CFAP107: variants seen among roughly 807,000 people sequenced by gnomAD.
CFAP107 encodes the protein cilia and flagella associated protein 107.
At chr1:12,759,881 AG>A in the CFAP107 span, among the ~76,000 whole-genome samples, 2 of 152,144 alleles carry the variant, frequency 1.3e-5, no homozygotes, top group Non-Finnish European at 2.9e-5. Flanking sequence ...TTGACATTCC[AG>A]GGGGGAAACA....
chr1:12,750,791 A>G, the CFAP107 span, among the ~76,000 whole-genome samples: 1 of 152,188 alleles, frequency 6.6e-6, no homozygotes, highest in Non-Finnish European at 1.5e-5. Context: ...GAACAACCCT[A>G]TAGATCAATT....
At chr1:12,750,455 A>G in the CFAP107 span, among the ~76,000 whole-genome samples, 1 of 152,234 alleles carries the variant, frequency 6.6e-6, no homozygotes, top group African/African-American at 2.4e-5. Context: ...GATTTATAAA[A>G]CAGGATCCAA....
chr1:12,759,198 G>T, the CFAP107 span: 5 of 1,249,574 alleles, frequency 4.0e-6, no homozygotes, highest in South Asian at 6.9e-5. Context: ...ACGGATGCCC[G>T]CTCTCTCCAT....
At chr1:12,754,238 A>G in the CFAP107 span, among the ~76,000 whole-genome samples, 2 of 152,364 alleles carry the variant, frequency 1.3e-5, no homozygotes, top group Non-Finnish European at 2.9e-5. Flanking sequence ...TATTTCTCCA[A>G]AGAAGATGTA....
chr1:12,759,394 C>T, the CFAP107 span: 20 of 1,614,178 alleles, frequency 1.2e-5, no homozygotes, highest in East Asian at 2.7e-4. Flanking sequence ...CCATTACAAC[C>T]GGCATGGTTA....
chr1:12,752,555 TAAAAAAAA>T, the CFAP107 span, among the ~76,000 whole-genome samples: 1 of 46,666 alleles, frequency 2.1e-5, no homozygotes, highest in African/African-American at 8.3e-5. Context: ...CGACTCTGTC[TAAAAAAAA>T]AAAAAAAAAA....
At chr1:12,747,005 A>G in the CFAP107 span, among the ~76,000 whole-genome samples, 1 of 151,938 alleles carries the variant, frequency 6.6e-6, no homozygotes, top group African/African-American at 2.4e-5. Flanking sequence ...GCTGATGTCC[A>G]GGGATTTGCT....
At chr1:12,751,728 G>C in the CFAP107 span, among the ~76,000 whole-genome samples, 1 of 152,130 alleles carries the variant, frequency 6.6e-6, no homozygotes. Context: ...GAAAAAAAGA[G>C]AAGAGATGCA....
At chr1:12,747,071 CTT>C in the CFAP107 span, among the ~76,000 whole-genome samples, 6 of 142,948 alleles carry the variant, frequency 4.2e-5, no homozygotes, top group Non-Finnish European at 7.7e-5. Context: ...TCAATTTTTA[CTT>C]TTTTTTTTTT....
the CFAP107 span, among the ~76,000 whole-genome samples, chr1:12,751,215 T>C: frequency 6.6e-6 from 1 of 151,694 alleles, no homozygotes; most frequent in Admixed American, 6.6e-5. Flanking sequence ...CTTTACACTT[T>C]AAGAAAACAG....
chr1:12,758,572 C>A, the CFAP107 span, among the ~76,000 whole-genome samples: 1 of 152,172 alleles, frequency 6.6e-6, no homozygotes, highest in Non-Finnish European at 1.5e-5. Context: ...CAGACCATAG[C>A]AGACACAGGC....
At chr1:12,757,387 TTTC>T in the CFAP107 span, among the ~76,000 whole-genome samples, 1 of 126,180 alleles carries the variant, frequency 7.9e-6, no homozygotes, top group African/African-American at 3.4e-5. Flanking sequence ...CTTTTTTTCT[TTTC>T]TTTTTTTTTG....
chr1:12,760,208 G>T, the CFAP107 span, among the ~76,000 whole-genome samples: 2 of 152,158 alleles, frequency 1.3e-5, no homozygotes, highest in African/African-American at 2.4e-5. Flanking sequence ...TGAAGGGAAT[G>T]AAATTTGTCC....
chr1:12,760,025 A>G, the CFAP107 span, among the ~76,000 whole-genome samples: 1 of 152,224 alleles, frequency 6.6e-6, no homozygotes, highest in African/African-American at 2.4e-5. Context: ...TTGGTTCACA[A>G]ATTCCTCCTT....
At chr1:12,746,610 A>G in the CFAP107 span, 1 of 1,154,564 alleles carries the variant, frequency 8.7e-7, no homozygotes, top group Non-Finnish European at 1.3e-6. Context: ...AGTGAAGTTC[A>G]TCACTATTTT....
the CFAP107 span, chr1:12,755,685 T>C: frequency 3.9e-6 from 6 of 1,555,630 alleles, no homozygotes; most frequent in Non-Finnish European, 5.3e-6. Flanking sequence ...TTCCTGAATA[T>C]TTGGTCTTTT....
the CFAP107 span, among the ~76,000 whole-genome samples, chr1:12,757,372 T>G: frequency 6.9e-5 from 10 of 145,678 alleles, no homozygotes; most frequent in Non-Finnish European, 1.5e-4. Context: ...TTTTTCTTTT[T>G]TTTCCTTTTT....
the CFAP107 span, among the ~76,000 whole-genome samples, chr1:12,758,982 A>C: frequency 6.6e-6 from 1 of 152,162 alleles, no homozygotes; most frequent in Non-Finnish European, 1.5e-5. Flanking sequence ...TTCAGATCAC[A>C]AGTGAGGTGG....
the CFAP107 span, chr1:12,762,191 T>C: frequency 0.35 from 50,437 of 145,760 alleles, 8,582 homozygotes; most frequent in African/African-American, 0.55. Context: ...ACCTACTAAG[T>C]TCCTTCCTTA....
Sources: allele counts gnomAD v4.1 joint callset (sites outside exome capture counted in the v4.1 genomes callset), GRCh38; gene constraint gnomAD v4.1.1; transcripts MANE v1.5; gene names NCBI Gene and HGNC (gene_info 2026-07-23, HGNC 2026-07-21).